Variants in VPS8 observed in about 807,000 individuals in gnomAD.
VPS8 encodes the protein vacuolar protein sorting-associated protein 8 homolog.
A neutral mutation model predicts 216.4 loss-of-function variants in VPS8; 129 were observed. That is an observed-to-expected ratio of 0.60 (90% CI 0.52 to 0.69). The LOEUF (loss-of-function observed/expected upper bound fraction) is 0.69, where lower values mean the gene tolerates loss of function less well. Among genes scored for constraint, VPS8 ranks in the 30% least tolerant of loss-of-function variants. The pLI is 0.00. For missense variants in VPS8, 1,531 were observed against 1,683.5 expected (o/e 0.91, Z 1.59); for synonymous variants, 571 against 565.4 (o/e 1.01, Z -0.14).
At chr3:185,011,303 C>T (rs892032516) in intron 45 of VPS8, among the ~76,000 whole-genome samples, 6 of 152,172 alleles carry the variant, frequency 3.9e-5, no homozygotes, top group Non-Finnish European at 7.3e-5. Context: ...GGGAAGCAAA[C>T]TAGACGAGCT....
intron 46 of VPS8, among the ~76,000 whole-genome samples, chr3:185,033,166 G>A (rs1341726680): frequency 1.3e-5 from 2 of 151,964 alleles, no homozygotes; most frequent in African/African-American, 4.8e-5. Flanking sequence ...TTTACATTAG[G>A]GTTCACTCTT....
At position 185,016,932 on chromosome 3, in the gene VPS8, C is replaced by CA. The variant is rs541941857; in HGVS notation, c.4003-7403dup. Among the ~76,000 whole-genome samples, 783 of 152,126 alleles carry CA rather than the reference C, an allele frequency of 5.1e-3. 5 individuals carry two copies. The highest frequency in any genetic ancestry group is 0.012 in the African/African-American group (516 of 41,510). On this transcript the variant is annotated intron_variant, in intron 45 of 47. Coordinates refer to ENST00000625842, the MANE Select transcript of VPS8 (RefSeq NM_001009921.3). ...CTGGAGGCTTAACAATGGCCACCATCAGAAATGATATCCTAAACTTTGGTA... is the reference window on the plus strand; with the variant it reads ...CTGGAGGCTTAACAATGGCCACCATCAAGAAATGATATCCTAAACTTTGGTA...
intron 22 of VPS8, among the ~76,000 whole-genome samples, chr3:184,892,336 C>T (rs1732499272): frequency 6.6e-6 from 1 of 152,132 alleles, no homozygotes; most frequent in Non-Finnish European, 1.5e-5. Flanking sequence ...CCTGCCTCAG[C>T]CTCCTGAGTA....
At chr3:185,020,035 G>T (rs985459592) in intron 45 of VPS8, among the ~76,000 whole-genome samples, 2 of 152,162 alleles carry the variant, frequency 1.3e-5, no homozygotes, top group African/African-American at 4.8e-5. Flanking sequence ...GTAGTAATAT[G>T]TATTTTTAAA....
chr3:184,817,613 A>G (rs538260979), intron 1 of VPS8, among the ~76,000 whole-genome samples: 90 of 152,352 alleles, frequency 5.9e-4, no homozygotes, highest in African/African-American at 1.7e-3. Context: ...GTAGTATTCA[A>G]TTATAACTTG....
At chr3:185,019,149 T>G (rs909895923) in intron 45 of VPS8, among the ~76,000 whole-genome samples, 5 of 152,142 alleles carry the variant, frequency 3.3e-5, no homozygotes, top group Admixed American at 3.3e-4. Context: ...ATTGTTACCC[T>G]GATGCTCCCA....
intron 45 of VPS8, among the ~76,000 whole-genome samples, chr3:185,007,459 TATTA>T (rs1279844074): frequency 6.6e-6 from 1 of 152,264 alleles, no homozygotes; most frequent in Admixed American, 6.5e-5. Context: ...ATTAGCTTGC[TATTA>T]ATTGTTTAAA....
chr3:184,922,913 C>A (rs894332998), intron 29 of VPS8, among the ~76,000 whole-genome samples: 6 of 151,064 alleles, frequency 4.0e-5, no homozygotes, highest in Non-Finnish European at 1.5e-5. Context: ...GGATAATAAC[C>A]AATTAGACAC....
chr3:184,842,186 C>CAAAAAAAAAAAAAAAAAAAAAAAAAA (rs71162267), intron 7 of VPS8, among the ~76,000 whole-genome samples: 3 of 48,980 alleles, frequency 6.1e-5, no homozygotes, highest in Non-Finnish European at 7.0e-5. Flanking sequence ...GACTCCGTCT[C>CAAAAAAAAAAAAAAAAAAAAAAAAAA]AAAAAAAAAA....
chr3:184,953,319 A>C (rs116358739), intron 36 of VPS8, among the ~76,000 whole-genome samples: 1 of 152,170 alleles, frequency 6.6e-6, no homozygotes, highest in African/African-American at 2.4e-5. Flanking sequence ...AAATCACTAC[A>C]TGGAGGTTTT....
At chr3:184,940,101 T>G in intron 35 of VPS8, 96 bp from the exon 36 acceptor site, 1 of 505,534 alleles carries the variant, frequency 2.0e-6, no homozygotes. Flanking sequence ...CAGATATCTG[T>G]GCATAAAGGG....
At chr3:185,026,158 A>C (rs1757313634) in intron 46 of VPS8, among the ~76,000 whole-genome samples, 1 of 152,204 alleles carries the variant, frequency 6.6e-6, no homozygotes, top group Non-Finnish European at 1.5e-5. Flanking sequence ...GGATTCAACC[A>C]ACCACAGATT....
chr3:184,917,946 G>C (rs1399049278), intron 28 of VPS8, among the ~76,000 whole-genome samples: 1 of 152,086 alleles, frequency 6.6e-6, no homozygotes, highest in Non-Finnish European at 1.5e-5. Flanking sequence ...TTAGGCACAC[G>C]TCCGAGAGGC....
chr3:184,864,982 T>A (rs1727067596), intron 16 of VPS8, among the ~76,000 whole-genome samples: 1 of 152,116 alleles, frequency 6.6e-6, no homozygotes, highest in Non-Finnish European at 1.5e-5. Flanking sequence ...GGAAGATATT[T>A]GAAAAGATGC....
chr3:184,911,931 A>T (rs1424670181), intron 25 of VPS8, among the ~76,000 whole-genome samples: 1 of 152,202 alleles, frequency 6.6e-6, no homozygotes, highest in Non-Finnish European at 1.5e-5. Context: ...TAAAGCCTTC[A>T]GTTTGTGTCC....
At chr3:184,830,989 A>G (rs1719866867) in intron 3 of VPS8, among the ~76,000 whole-genome samples, 1 of 152,244 alleles carries the variant, frequency 6.6e-6, no homozygotes, top group Admixed American at 6.5e-5. Context: ...AGCTTACTCA[A>G]ATAGGAAGTC....
intron 1 of VPS8, among the ~76,000 whole-genome samples, chr3:184,820,378 C>T (rs913267949): frequency 9.2e-5 from 14 of 152,296 alleles, no homozygotes; most frequent in African/African-American, 2.9e-4. Context: ...CTTTCTCTGG[C>T]GTTCTCTTCT....
intron 40 of VPS8, among the ~76,000 whole-genome samples, chr3:184,978,189 T>C (rs1749612597): frequency 6.6e-6 from 1 of 152,168 alleles, no homozygotes; most frequent in South Asian, 2.1e-4. Flanking sequence ...CAGGAATTTA[T>C]TCATTTCTTC....
chr3:184,895,907 T>G (rs1302244343), intron 23 of VPS8, among the ~76,000 whole-genome samples: 2 of 151,422 alleles, frequency 1.3e-5, no homozygotes, highest in Admixed American at 1.3e-4. Context: ...GTGCTGAGAT[T>G]ATAGGTGTGA....
Sources: allele counts gnomAD v4.1 joint callset (sites outside exome capture counted in the v4.1 genomes callset), GRCh38; gene constraint gnomAD v4.1.1; transcripts MANE v1.5; gene names NCBI Gene and HGNC (gene_info 2026-07-23, HGNC 2026-07-21).